Variants in FRMD6 observed in about 807,000 individuals in gnomAD.
FRMD6 encodes the protein FERM domain containing 6.
A neutral mutation model predicts 73.2 loss-of-function variants in FRMD6; 37 were observed. That is an observed-to-expected ratio of 0.51 (90% confidence interval 0.39 to 0.66). The LOEUF (loss-of-function observed/expected upper bound fraction) is 0.66, where lower values mean the gene tolerates loss of function less well. Ranked by LOEUF, FRMD6 falls within the 30% of genes least tolerant of loss-of-function variation. The probability of loss-of-function intolerance (pLI) is 0.00; values close to 1 mark genes in which losing one functional copy is unlikely to be tolerated. For missense variants in FRMD6, 714 were observed against 780.5 expected, an observed-to-expected ratio of 0.91 and a Z score of 1.02; for synonymous variants, 273 against 282.2, an observed-to-expected ratio of 0.97 and a Z score of 0.33.
chr14:51,727,491 G>C (rs1449639658), intron 13 of FRMD6, among the ~76,000 whole-genome samples: 1 of 152,188 alleles, frequency 6.6e-6, no homozygotes, highest in Non-Finnish European at 1.5e-5. Context: ...GATTAAATGA[G>C]TTAATGCATG....
chr14:51,459,469 A>C, the FRMD6 span, among the ~76,000 whole-genome samples: 1 of 152,286 alleles, frequency 6.6e-6, no homozygotes, highest in Non-Finnish European at 1.5e-5. Flanking sequence ...TAGAACAGTC[A>C]CTGGGGATTT....
At chr14:51,646,318 CAAAAAAAAAAAA>C (rs34495089) in intron 2 of FRMD6, among the ~76,000 whole-genome samples, 2 of 69,256 alleles carry the variant, frequency 2.9e-5, no homozygotes, top group South Asian at 6.1e-4. Context: ...ACTCCATATC[CAAAAAAAAAAAA>C]AAAAAAAAAA....
At chr14:51,538,241 A>T (rs912637540) in intron 1 of FRMD6, among the ~76,000 whole-genome samples, 1 of 152,104 alleles carries the variant, frequency 6.6e-6, no homozygotes, top group African/African-American at 2.4e-5. Flanking sequence ...TGTACATTTT[A>T]AAATTGGGTT....
intron 2 of FRMD6, among the ~76,000 whole-genome samples, chr14:51,578,448 A>T (rs576800240): frequency 2.6e-5 from 4 of 152,302 alleles, no homozygotes; most frequent in African/African-American, 9.6e-5. Flanking sequence ...GGTCGGAGGC[A>T]TTTTTGTTTG....
At chr14:51,660,169 G>A (rs780370541) in intron 1 of FRMD6, among the ~76,000 whole-genome samples, 8 of 152,196 alleles carry the variant, frequency 5.3e-5, no homozygotes, top group Non-Finnish European at 7.3e-5. Context: ...TCAAAAGCCA[G>A]GTTTTATGTC....
the FRMD6 span, among the ~76,000 whole-genome samples, chr14:51,473,695 C>T: frequency 6.6e-6 from 1 of 152,160 alleles, no homozygotes; most frequent in Non-Finnish European, 1.5e-5. Flanking sequence ...CTTTTGAGAG[C>T]AGTACTTTCT....
At chr14:51,594,934 A>C (rs1216385159) in intron 2 of FRMD6, among the ~76,000 whole-genome samples, 13 of 152,210 alleles carry the variant, frequency 8.5e-5, no homozygotes, top group Non-Finnish European at 1.8e-4. Context: ...CTTCCTTTGG[A>C]GATGGTGCCT....
chr14:51,547,989 A>G (rs1288237998), intron 1 of FRMD6: 1 of 152,198 alleles, frequency 6.6e-6, no homozygotes, highest in East Asian at 1.9e-4. Flanking sequence ...TTTGAAATAT[A>G]CAGAAATGTT....
chr14:51,457,018 C>T, the FRMD6 span, among the ~76,000 whole-genome samples: 4 of 151,978 alleles, frequency 2.6e-5, no homozygotes, highest in African/African-American at 9.7e-5. Context: ...GAAATATTGG[C>T]CCATAGGCAA....
At chr14:51,499,942 G>A (rs535016954) in intron 1 of FRMD6, among the ~76,000 whole-genome samples, 18 of 152,184 alleles carry the variant, frequency 1.2e-4, no homozygotes, top group African/African-American at 3.9e-4. Flanking sequence ...TGGTGGCCCT[G>A]AACCCTGGCT....
At chr14:51,698,348 C>A in intron 3 of FRMD6, 116 bp downstream of exon 3, 1 of 542,848 alleles carries the variant, frequency 1.8e-6, no homozygotes, top group South Asian at 3.5e-5. Context: ...TCAAAATACC[C>A]ATGGACTGAT....
At chr14:51,483,417 T>A in the FRMD6 span, among the ~76,000 whole-genome samples, 5 of 152,010 alleles carry the variant, frequency 3.3e-5, no homozygotes, top group Non-Finnish European at 5.9e-5. Context: ...GAATGGGGGA[T>A]GGTGATGGGG....
intron 10 of FRMD6, among the ~76,000 whole-genome samples, chr14:51,717,755 A>G (rs1278170095): frequency 2.0e-5 from 3 of 152,218 alleles, no homozygotes; most frequent in African/African-American, 7.2e-5. Context: ...AAAAAACAGC[A>G]TAAAAAGAGT....
At chr14:51,614,936 T>C (rs1206340941) in intron 2 of FRMD6, among the ~76,000 whole-genome samples, 1 of 152,196 alleles carries the variant, frequency 6.6e-6, no homozygotes, top group African/African-American at 2.4e-5. Flanking sequence ...ATACAAAACT[T>C]GGCAGAAAGA....
At chr14:51,547,706 C>T (rs1886554311) in intron 1 of FRMD6, 1 of 152,122 alleles carries the variant, frequency 6.6e-6, no homozygotes, top group Non-Finnish European at 1.5e-5. Context: ...GTGATGCTCA[C>T]CTTTATCTTC....
At position 51,727,937 on chromosome 14, in the gene FRMD6, A is replaced by G. The variant is rs753793020; in HGVS notation, c.1777A>G (p.Ile593Val). 5.0e-6 allele frequency: 8 copies of G among 1,614,060 alleles called. No individual in the cohort carries two copies. In the African/African-American group the frequency reaches 9.3e-5, roughly 19 times the overall value. Residue 593 changes from isoleucine to valine, a missense_variant, in exon 14 of 14, where the codon ATC becomes GTC. Transcript: ENST00000344768. ...YCNSCLAQQC[I>V]NIQDAFPVKR... ...CAACAGTTGCTTGGCCCAGCAGTGC[A>G]TCAACATCCAAGATGCTTTTCCAGT...
intron 2 of FRMD6, chr14:51,575,940 C>G (rs902677168): frequency 6.6e-6 from 1 of 152,264 alleles, no homozygotes; most frequent in African/African-American, 2.4e-5. Context: ...GTGGAGACCC[C>G]ATCAGCACCA....
the FRMD6 span, among the ~76,000 whole-genome samples, chr14:51,431,841 G>A: frequency 6.6e-6 from 1 of 152,110 alleles, no homozygotes; most frequent in East Asian, 1.9e-4. Flanking sequence ...GCAGCTTTTA[G>A]GTGTCAGGCT....
intron 1 of FRMD6, among the ~76,000 whole-genome samples, chr14:51,505,849 G>C (rs182989640): frequency 6.6e-6 from 1 of 152,022 alleles, no homozygotes; most frequent in African/African-American, 2.4e-5. Flanking sequence ...CTTCTTTCTG[G>C]CTCTCAGTTT....
Sources: gnomAD v4.1 joint callset for allele counts (sites outside exome capture counted in the v4.1 genomes callset) on GRCh38, gnomAD v4.1.1 for gene constraint, MANE v1.5 for transcripts, NCBI Gene and HGNC (gene_info 2026-07-23, HGNC 2026-07-21) for gene names.